Variants in EGFLAM observed in about 807,000 individuals in gnomAD.
The protein encoded by EGFLAM is EGF like, fibronectin type III and laminin G domains.
EGFLAM carries 79 observed loss-of-function variants against 113.1 expected under a neutral mutation model. That is an observed-to-expected ratio of 0.70 (90% CI 0.58 to 0.84). EGFLAM has a LOEUF of 0.84. Ranked by LOEUF, EGFLAM falls within the 40% of genes least tolerant of loss-of-function variation. The pLI, the probability that EGFLAM is intolerant of heterozygous loss-of-function variation, is 0.00. For synonymous variants in EGFLAM, 504 were observed against 487.6 expected, an observed-to-expected ratio of 1.03 and a Z score of -0.44; for missense variants, 1,265 against 1,291.6, an observed-to-expected ratio of 0.98 and a Z score of 0.32.
At chr5:38,455,973 G>A (rs114723710) in intron 19 of EGFLAM, among the ~76,000 whole-genome samples, 1,795 of 152,258 alleles carry the variant, frequency 0.012, 38 homozygotes, top group African/African-American at 0.04. Context: ...GGACTGCTTT[G>A]GTTATATATT....
At chr5:38,339,639 T>C (rs918941098) in intron 3 of EGFLAM, among the ~76,000 whole-genome samples, 3 of 152,194 alleles carry the variant, frequency 2.0e-5, no homozygotes, top group Non-Finnish European at 4.4e-5. Flanking sequence ...TATGACCTCA[T>C]TTTACTGACA....
rs1385028416 is a variant in EGFLAM, at chr5:38,427,256, A to T, written c.2054+4A>T. On this transcript the variant is annotated splice_donor_region_variant and intron_variant, in intron 14 of 21. Transcript: ENST00000322350. ...GCTCTGGGACCGGTGTCCTCAGGTG[A>T]GGGCTGAAAACTTCTGGGACTCTTT... 6.2e-7 allele frequency: 1 copy of T among 1,611,860 alleles called. No individual in the cohort carries two copies. The highest frequency in any genetic ancestry group is 8.5e-7 in the Non-Finnish European group (1 of 1,179,078).
chr5:38,308,334 C>T (rs2111850077), intron 1 of EGFLAM, among the ~76,000 whole-genome samples: 1 of 152,340 alleles, frequency 6.6e-6, no homozygotes, highest in Non-Finnish European at 1.5e-5. Flanking sequence ...CCTTATTGCT[C>T]TTTCTCTTTT....
intron 1 of EGFLAM, among the ~76,000 whole-genome samples, chr5:38,285,100 C>A (rs551803958): frequency 6.6e-6 from 1 of 152,060 alleles, no homozygotes; most frequent in South Asian, 2.1e-4. Context: ...ATGATATTCA[C>A]GTAGATTTTA....
chr5:38,445,660 T>A, intron 17 of EGFLAM: 1 of 1,598,484 alleles, frequency 6.3e-7, no homozygotes, highest in Non-Finnish European at 8.5e-7. Context: ...CTGTTCTCTT[T>A]CATGCTGGCA....
At chr5:38,369,666 T>C (rs1189038520) in intron 5 of EGFLAM, among the ~76,000 whole-genome samples, 1 of 152,186 alleles carries the variant, frequency 6.6e-6, no homozygotes, top group African/African-American at 2.4e-5. Flanking sequence ...GAGTCAGGAT[T>C]TGAACTCCAG....
chr5:38,430,024 T>C (rs1234954698), intron 14 of EGFLAM: 1 of 222,202 alleles, frequency 4.5e-6, no homozygotes, highest in Non-Finnish European at 9.7e-6. Context: ...GATAACAGTT[T>C]TGTCCAAGGG....
At position 38,336,570 on chromosome 5, in the gene EGFLAM, T is replaced by TACACACACACACACACACACACAC. The variant is rs148241267; in HGVS notation, c.98-944_98-921dup. ...GCCTGGGCGACAGAGTGAGACTCCG[T>TACACACACACACACACACACACAC]ACACACACACACACACACACACACA... On this transcript the variant is annotated intron_variant, in intron 1 of 21. Coordinates refer to ENST00000322350, the MANE Select transcript of EGFLAM (RefSeq NM_152403.4). 6.6e-4 allele frequency among the ~76,000 whole-genome samples: 94 copies of TACACACACACACACACACACACAC among 142,272 alleles called. 3 individuals are homozygous for TACACACACACACACACACACACAC. Among genetic ancestry groups the TACACACACACACACACACACACAC allele is most frequent in the African/African-American group, 2.1e-3 (78 of 36,952 alleles). 93.3% of individuals were successfully genotyped at this position (142,272 alleles called of 152,430 possible). A position where few individuals can be genotyped will look rare whatever the true frequency, so the allele number is the denominator to read the frequency against.
intron 8 of EGFLAM, 93 bp downstream of exon 8, chr5:38,407,239 T>C: frequency 7.4e-7 from 1 of 1,345,834 alleles, no homozygotes; most frequent in Non-Finnish European, 1.0e-6. Flanking sequence ...TTCCTTCTAG[T>C]CCCTTCTCCA....
chr5:38,346,636 A>G (rs974607901), intron 3 of EGFLAM: 1 of 152,240 alleles, frequency 6.6e-6, no homozygotes, highest in African/African-American at 2.4e-5. Flanking sequence ...GTCTGAATCC[A>G]TATCACCACC....
intron 6 of EGFLAM, among the ~76,000 whole-genome samples, chr5:38,374,340 G>A (rs1032607286): frequency 3.3e-5 from 5 of 152,156 alleles, no homozygotes; most frequent in Non-Finnish European, 4.4e-5. Context: ...GTCTCCCTGA[G>A]CATTCGGGGA....
At chr5:38,335,673 T>C (rs1739164078) in intron 1 of EGFLAM, among the ~76,000 whole-genome samples, 1 of 152,150 alleles carries the variant, frequency 6.6e-6, no homozygotes, top group East Asian at 1.9e-4. Context: ...CTCTGAGTGG[T>C]GACAATCGTA....
chr5:38,329,982 A>G (rs1738998364), intron 1 of EGFLAM, among the ~76,000 whole-genome samples: 1 of 152,142 alleles, frequency 6.6e-6, no homozygotes. Flanking sequence ...ATACCTAACC[A>G]GGTCCCAGCA....
intron 6 of EGFLAM, among the ~76,000 whole-genome samples, chr5:38,384,355 C>T (rs1740599821): frequency 6.6e-6 from 1 of 152,104 alleles, no homozygotes; most frequent in Non-Finnish European, 1.5e-5. Context: ...CCTTGCGCTT[C>T]CTGTCCTCTT....
intron 15 of EGFLAM, among the ~76,000 whole-genome samples, chr5:38,434,815 TG>T (rs1403775985): frequency 2.6e-5 from 4 of 152,214 alleles, no homozygotes; most frequent in African/African-American, 9.7e-5. Flanking sequence ...GCAATCTTCC[TG>T]TGGGGAGGGG....
chr5:38,394,037 C>T (rs1163206279), intron 6 of EGFLAM, among the ~76,000 whole-genome samples: 1 of 152,096 alleles, frequency 6.6e-6, no homozygotes, highest in Non-Finnish European at 1.5e-5. Flanking sequence ...TCCGGCTAGG[C>T]CCATCTCCGA....
chr5:38,426,402 A>T (rs1334312250), intron 13 of EGFLAM, among the ~76,000 whole-genome samples: 2 of 152,206 alleles, frequency 1.3e-5, no homozygotes, highest in Non-Finnish European at 2.9e-5. Context: ...AGAATTCTGA[A>T]ATTAAAATAA....
intron 20 of EGFLAM, 176 bp from the exon 21 acceptor site, chr5:38,462,732 C>G: frequency 1.6e-6 from 1 of 640,642 alleles, no homozygotes; most frequent in Non-Finnish European, 2.6e-6. Flanking sequence ...CAGTAGACCA[C>G]AGGCTCCTGA....
At chr5:38,435,763 G>GA (rs1416410964) in intron 16 of EGFLAM, among the ~76,000 whole-genome samples, 1 of 146,582 alleles carries the variant, frequency 6.8e-6, no homozygotes, top group Non-Finnish European at 1.5e-5. Flanking sequence ...GAAGGTTCAG[G>GA]AAAAAAACAT....
Sources: gnomAD v4.1 joint callset for allele counts (sites outside exome capture counted in the v4.1 genomes callset) on GRCh38, gnomAD v4.1.1 for gene constraint, MANE v1.5 for transcripts, NCBI Gene and HGNC (gene_info 2026-07-23, HGNC 2026-07-21) for gene names.